ANKMY1: variants seen among roughly 807,000 people sequenced by gnomAD.
ANKMY1 encodes ankyrin repeat and MYND domain containing 1, also known as ankyrin repeat and MYND domain-containing protein 1.
Under a neutral mutation model 102.0 loss-of-function variants are expected in ANKMY1, and 98 were observed. That is an observed-to-expected ratio of 0.96 (90% CI 0.82 to 1.14). The LOEUF (loss-of-function observed/expected upper bound fraction) is 1.14. Among genes scored for constraint, ANKMY1 ranks in the 50% most tolerant of loss-of-function variants. ANKMY1 has a pLI of 0.00. For synonymous variants in ANKMY1, 582 were observed against 559.9 expected (o/e 1.04, Z -0.56); for missense variants, 1,330 against 1,347.6 (o/e 0.99, Z 0.20).
At chr2:240,552,738 A>C (rs566602954) in intron 4 of ANKMY1, 176 bp downstream of exon 4, 1 of 972,802 alleles carries the variant, frequency 1.0e-6, no homozygotes, top group Non-Finnish European at 1.5e-6. Context: ...AAATGCAAGG[A>C]GGCTTTTATT....
In ANKMY1 at chr2:240,529,146, G is replaced by T. The variant is rs369842268; in HGVS notation, c.844C>A (p.Arg282Ser). Reference sequence around the variant, plus strand: ...GGAGGAATTTCATTGAGGAAGATGCGGGCGTCCAGCTCTTTGCGGAAAGAG... The same window carrying T: ...GGAGGAATTTCATTGAGGAAGATGCTGGCGTCCAGCTCTTTGCGGAAAGAG... ...TSSFRKELDARIFLNEIPPFV... is the reference protein window; with the variant it reads ...TSSFRKELDASIFLNEIPPFV... The change falls in exon 5 of 18, where the codon CGC becomes AGC. Residue 282 changes from arginine to serine, a missense_variant. Coordinates refer to ENST00000401804, the MANE Select transcript of ANKMY1 (RefSeq NM_001282771.3). This position sits in a 1 kb window ranked among gnomAD's most constrained non-coding sequence, Gnocchi z 4.2. The T allele has an allele frequency of 1.2e-6, 2 of 1,614,178 alleles. No homozygotes were observed. Among genetic ancestry groups the T allele is most frequent in the Admixed American group, 3.3e-5 (2 of 60,026 alleles).
chr2:240,504,433 C>T (rs898783765), intron 13 of ANKMY1, among the ~76,000 whole-genome samples: 3 of 152,060 alleles, frequency 2.0e-5, no homozygotes, highest in African/African-American at 7.2e-5. Context: ...GGCTATGACA[C>T]CAAAGGCAAA....
intron 4 of ANKMY1, among the ~76,000 whole-genome samples, chr2:240,546,661 G>C (rs1425500030): frequency 6.6e-6 from 1 of 152,166 alleles, no homozygotes; most frequent in African/African-American, 2.4e-5. Context: ...AAAGGATGGA[G>C]GAAGATCTAC....
At chr2:240,511,833 G>A (rs1376252536) in intron 11 of ANKMY1, 28 bp downstream of exon 11, 2 of 1,557,744 alleles carry the variant, frequency 1.3e-6, no homozygotes, top group East Asian at 2.4e-5. Context: ...GCAGCCCTGT[G>A]CCCCCGCCAG....
intron 15 of ANKMY1, among the ~76,000 whole-genome samples, chr2:240,487,244 T>C (rs1006897648): frequency 5.9e-5 from 9 of 152,246 alleles, no homozygotes; most frequent in Admixed American, 5.2e-4. Flanking sequence ...TGTCTTTTTG[T>C]GCCCGGCTTA....
In ANKMY1 at chr2:240,529,311, C is replaced by T. The variant is rs910919192; in HGVS notation, c.679G>A (p.Glu227Lys). The T allele has an allele frequency of 1.5e-5, 24 of 1,614,076 alleles. No homozygotes were observed. The highest frequency in any genetic ancestry group is 1.9e-5 in the Non-Finnish European group (23 of 1,180,044). Reference sequence around the variant, plus strand: ...TCCTGCAGTCCCCACTCCGTTTTCTCCTCTTCTGAGAGGCTGATCCTGGCA... The same window carrying T: ...TCCTGCAGTCCCCACTCCGTTTTCTTCTCTTCTGAGAGGCTGATCCTGGCA... ...SPARISLSEE[E>K]KTEWGLQEGQ... The change falls in exon 5 of 18, where the codon GAG becomes AAG. Residue 227 changes from glutamate (E) to lysine (K), a missense_variant. Glu to Lys is a moderately conservative substitution (Grantham distance 56). Coordinates refer to ENST00000401804, the MANE Select transcript of ANKMY1 (RefSeq NM_001282771.3). This position sits in a 1 kb window ranked among gnomAD's most constrained non-coding sequence, Gnocchi z 4.2.
upstream of ANKMY1, chr2:240,560,551 G>T (rs2092884106): frequency 6.4e-6 from 8 of 1,245,556 alleles, no homozygotes; most frequent in South Asian, 4.6e-5. Flanking sequence ...CCCCAGCCTG[G>T]TCCACCTCGG....
At position 240,553,034 on chromosome 2, in the gene ANKMY1, C is replaced by G; in HGVS notation, c.360G>C (p.Arg120=). ...TGESYHGQFY[R]DHCHGLGTYM... ...AGGTACCCAGGCCATGGCAGTGGTC[C>G]CGGTAAAACTGCCCATGGTATGACT... is the stretch of plus-strand genomic sequence containing the variant. Residue 120 remains arginine, a synonymous_variant, in exon 4 of 18, where the codon CGG becomes CGC. Transcript: ENST00000401804. The G allele has an allele frequency of 6.2e-7, 1 of 1,613,916 alleles. No homozygotes were observed. The highest frequency in any genetic ancestry group is 8.5e-7 in the Non-Finnish European group (1 of 1,179,980).
intron 15 of ANKMY1, among the ~76,000 whole-genome samples, chr2:240,497,566 G>A (rs1416246639): frequency 6.6e-6 from 1 of 152,166 alleles, no homozygotes; most frequent in African/African-American, 2.4e-5. Context: ...ATCAGTCCTT[G>A]GGGTGTGTGA....
At chr2:240,495,005 C>T (rs2077059401) in intron 15 of ANKMY1, among the ~76,000 whole-genome samples, 1 of 151,152 alleles carries the variant, frequency 6.6e-6, no homozygotes, top group African/African-American at 2.4e-5. Flanking sequence ...TAATAATCCT[C>T]GATCTACAAT....
chr2:240,474,974 T>G (rs1468136570), downstream of ANKMY1, among the ~76,000 whole-genome samples: 6 of 152,222 alleles, frequency 3.9e-5, no homozygotes, highest in African/African-American at 1.4e-4. Flanking sequence ...GACAGCTCTG[T>G]TTTTAGCTCT....
intron 15 of ANKMY1, among the ~76,000 whole-genome samples, chr2:240,498,292 G>T (rs1438124454): frequency 2.8e-5 from 4 of 141,320 alleles, no homozygotes; most frequent in Non-Finnish European, 6.2e-5. Context: ...GGTGTTGGGG[G>T]TGGGGGGGGT....
Position 240,512,818 on chromosome 2 carries a change from GTGTCGTCCTC to G in ANKMY1, c.2119_2128del (p.Glu707LeufsTer14). On this transcript the variant is annotated frameshift_variant, in exon 10 of 18. Coordinates refer to ENST00000401804, the MANE Select transcript of ANKMY1 (RefSeq NM_001282771.3). LOFTEE classifies it high-confidence loss of function. ...GGTACACACCTTGCCGGGCTTGTAA[GTGTCGTCCTC>G]GTCGGATGCCTTGGCGTCCACATCG... 1 of 1,613,984 alleles carries G rather than the reference GTGTCGTCCTC, an allele frequency of 6.2e-7. No homozygotes were observed. The highest frequency in any genetic ancestry group is 8.5e-7 in the Non-Finnish European group (1 of 1,179,956).
intron 3 of ANKMY1, chr2:240,554,102 C>A (rs911399422): frequency 1.3e-5 from 2 of 152,254 alleles, no homozygotes; most frequent in Non-Finnish European, 1.5e-5. Context: ...TTTCTTCTGA[C>A]AACAGATGCC....
At chr2:240,547,032 C>G (rs1218313006) in intron 4 of ANKMY1, among the ~76,000 whole-genome samples, 1 of 152,190 alleles carries the variant, frequency 6.6e-6, no homozygotes, top group Non-Finnish European at 1.5e-5. Context: ...CTACAGAACT[C>G]TCCACCCCAA....
intron 4 of ANKMY1, among the ~76,000 whole-genome samples, chr2:240,543,907 A>T (rs1214623883): frequency 6.6e-6 from 1 of 152,172 alleles, no homozygotes; most frequent in Non-Finnish European, 1.5e-5. Context: ...CTAACATCTG[A>T]TAGTTTGGGA....
At position 240,509,436 on chromosome 2, in the gene ANKMY1, C is replaced by T. The variant is rs570625017; in HGVS notation, c.2306G>A (p.Arg769Gln). The change falls in exon 12 of 18, where the codon CGG becomes CAG. Residue 769 changes from arginine (R) to glutamine (Q), a missense_variant. Arg to Gln is a conservative substitution (Grantham distance 43, BLOSUM62 1). Transcript: ENST00000401804. ...ATTTGCTCCGTGGGATAGAAGGAGC[C>T]GGACTATGTCCCTGGCACACTGGGT... Reference protein sequence around the residue: ...DDNKCARDIVRLLLSHGANPN... With the variant: ...DDNKCARDIVQLLLSHGANPN... 9.9e-6 allele frequency: 16 copies of T among 1,612,844 alleles called. No homozygotes were observed. The Admixed American group carries it at 1.2e-4, about 12-fold the overall frequency.
chr2:240,521,773 C>G (rs2152333314), intron 8 of ANKMY1, among the ~76,000 whole-genome samples: 1 of 152,242 alleles, frequency 6.6e-6, no homozygotes, highest in Non-Finnish European at 1.5e-5. Context: ...GCTGGGATTA[C>G]AGGAGTGAGC....
intron 5 of ANKMY1, 92 bp from the exon 6 acceptor site, chr2:240,526,537 T>C: frequency 6.4e-6 from 10 of 1,556,266 alleles, no homozygotes; most frequent in Non-Finnish European, 8.7e-6. Context: ...CCAATGCCTC[T>C]CCCTCTTGTG....
Sources: allele counts gnomAD v4.1 joint callset (sites outside exome capture counted in the v4.1 genomes callset), GRCh38; gene constraint gnomAD v4.1.1; non-coding constraint Gnocchi (gnomAD v3.1); transcripts MANE v1.5; gene names NCBI Gene and HGNC (gene_info 2026-07-23, HGNC 2026-07-21).